Variants in EFCAB7 observed in about 807,000 individuals in gnomAD.
The protein encoded by EFCAB7 is EF-hand calcium-binding domain-containing protein 7.
A neutral mutation model predicts 77.1 loss-of-function variants in EFCAB7; 66 were observed. The ratio of observed to expected loss-of-function variants is 0.86; its 90% confidence interval spans 0.70 to 1.05. The LOEUF is 1.05. EFCAB7 is among the 50% of genes least tolerant of loss of function. The pLI, the probability that EFCAB7 is intolerant of heterozygous loss-of-function variation, is 0.00. For synonymous variants in EFCAB7, 225 were observed against 243.3 expected (o/e 0.92, Z 0.70); for missense variants, 638 against 730.5 (o/e 0.87, Z 1.46).
chr1:63,538,640 A>C (rs1237797805), intron 6 of EFCAB7, among the ~76,000 whole-genome samples: 2 of 152,076 alleles, frequency 1.3e-5, no homozygotes, highest in Admixed American at 1.3e-4. Context: ...TTTAGTAGAG[A>C]CAGGGTTTCA....
At chr1:63,553,865 G>A (rs1557682812) in intron 8 of EFCAB7, among the ~76,000 whole-genome samples, 1 of 152,092 alleles carries the variant, frequency 6.6e-6, no homozygotes, top group Non-Finnish European at 1.5e-5. Flanking sequence ...TTTAGAGATA[G>A]GGTCTCACTC....
At chr1:63,559,747 T>C (rs574135083) in intron 10 of EFCAB7, among the ~76,000 whole-genome samples, 2 of 152,338 alleles carry the variant, frequency 1.3e-5, no homozygotes, top group African/African-American at 4.8e-5. Flanking sequence ...TGTAACATCA[T>C]GTATCCACCA....
At chr1:63,575,221 TTA>T (rs756011304), downstream of EFCAB7, among the ~76,000 whole-genome samples, 2 of 151,982 alleles carry the variant, frequency 1.3e-5, no homozygotes, top group Non-Finnish European at 2.9e-5. Flanking sequence ...TCAAGTACTG[TTA>T]TATATATATG....
intron 6 of EFCAB7, among the ~76,000 whole-genome samples, chr1:63,544,062 C>A (rs1646864788): frequency 6.6e-6 from 1 of 150,980 alleles, no homozygotes; most frequent in African/African-American, 2.4e-5. Context: ...CTCCATCTCC[C>A]AGGTTCAAGC....
In EFCAB7 at chr1:63,546,057, G is replaced by A; in HGVS notation, c.946G>A (p.Gly316Arg). The A allele has an allele frequency of 6.2e-7, 1 of 1,602,646 alleles. No individual in the cohort carries two copies. The part of the protein sequence containing the change: ...IKPLNLSQVE[G>R]KPSPWLSVDT... ...GCCATTAAACCTGAGTCAAGTTGAA[G>A]GCAAGTTTAAGTTTTTTGTATATTT... The change falls in exon 7 of 14, where the codon GGA becomes AGA. Residue 316 changes from glycine to arginine, a missense_variant and splice_region_variant. By Grantham distance (125) the Gly-to-Arg change is moderately radical. Transcript: ENST00000371088.
downstream of EFCAB7, among the ~76,000 whole-genome samples, chr1:63,575,993 T>C (rs1647401342): frequency 1.3e-5 from 2 of 152,214 alleles, no homozygotes; most frequent in African/African-American, 2.4e-5. Context: ...CATTCAAAGT[T>C]AGCCCTGCTA....
intron 12 of EFCAB7, chr1:63,569,746 G>A (rs1388042635): frequency 6.6e-6 from 1 of 152,192 alleles, no homozygotes; most frequent in Non-Finnish European, 1.5e-5. Flanking sequence ...TTGAAAACGA[G>A]ATAGAGGAGT....
the EFCAB7 span, among the ~76,000 whole-genome samples, chr1:63,580,541 T>C: frequency 6.6e-6 from 1 of 152,210 alleles, no homozygotes; most frequent in African/African-American, 2.4e-5. Context: ...TTTTCCAGAA[T>C]CATCTTAGCT....
the EFCAB7 span, among the ~76,000 whole-genome samples, chr1:63,577,792 A>G: frequency 6.6e-6 from 1 of 152,184 alleles, no homozygotes; most frequent in African/African-American, 2.4e-5. Flanking sequence ...TTAAGCATTA[A>G]ACTAATGATG....
chr1:63,576,677 A>G (rs1282549979), downstream of EFCAB7, among the ~76,000 whole-genome samples: 1 of 151,132 alleles, frequency 6.6e-6, no homozygotes, highest in Non-Finnish European at 1.5e-5. Context: ...AATTAAAAAA[A>G]AAAAAATTAG....
intron 6 of EFCAB7, among the ~76,000 whole-genome samples, chr1:63,538,573 C>T (rs1646791183): frequency 6.6e-6 from 1 of 152,102 alleles, no homozygotes; most frequent in Non-Finnish European, 1.5e-5. Context: ...CCTGCCTCAG[C>T]CTCCTGAGTA....
intron 7 of EFCAB7, chr1:63,549,343 CA>C (rs1404031694): frequency 4.2e-6 from 2 of 470,672 alleles, no homozygotes; most frequent in Non-Finnish European, 8.8e-6. Flanking sequence ...CTGCAAGGAA[CA>C]AAATGTTTGT....
intron 6 of EFCAB7, among the ~76,000 whole-genome samples, chr1:63,542,134 T>C (rs1310958396): frequency 1.3e-5 from 2 of 152,058 alleles, no homozygotes; most frequent in Non-Finnish European, 2.9e-5. Context: ...CAACCACCAT[T>C]CTACTTTCTG....
intron 6 of EFCAB7, among the ~76,000 whole-genome samples, chr1:63,535,790 A>G (rs1646755449): frequency 6.6e-6 from 1 of 152,082 alleles, no homozygotes; most frequent in Non-Finnish European, 1.5e-5. Context: ...TAGTATTAAT[A>G]TTATTATAGA....
At position 63,543,413 on chromosome 1, in the gene EFCAB7, T is replaced by C. The variant is rs527318290; in HGVS notation, c.805-2503T>C. Among the ~76,000 whole-genome samples the C allele has an allele frequency of 3.2e-4, 48 of 152,302 alleles. 1 individual carries two copies. Among genetic ancestry groups the C allele is most frequent in the Non-Finnish European group, 6.6e-4 (45 of 68,020 alleles). On this transcript the variant is annotated intron_variant, in intron 6 of 13. Transcript: ENST00000371088. Reference sequence around the variant, plus strand: ...ATTCGTTTTCAACAGCAAAATATTTTGGATATAAAATTAATTTTTAAAAGC... The same window carrying C: ...ATTCGTTTTCAACAGCAAAATATTTCGGATATAAAATTAATTTTTAAAAGC...
the EFCAB7 span, among the ~76,000 whole-genome samples, chr1:63,585,361 C>T: frequency 1.3e-5 from 2 of 151,910 alleles, no homozygotes; most frequent in African/African-American, 4.8e-5. Flanking sequence ...TAAAATGTGT[C>T]TTCTCTGTTG....
chr1:63,524,656 C>T (rs1042551429), intron 1 of EFCAB7, among the ~76,000 whole-genome samples: 5 of 152,076 alleles, frequency 3.3e-5, no homozygotes, highest in African/African-American at 1.2e-4. Flanking sequence ...GCTGTTAGAC[C>T]ACCAGTAGAA....
rs145177283 is a variant in EFCAB7 at position 63,526,957 on chromosome 1, G to A, written c.187+1198G>A. Among the ~76,000 whole-genome samples, 1,109 of 152,242 alleles carry A rather than the reference G, an allele frequency of 7.3e-3. 8 individuals are homozygous for A. Among genetic ancestry groups the A allele is most frequent in the African/African-American group, 0.025 (1,052 of 41,546 alleles). ...TTTTTGTATTTTTAGTAGAGACGGG[G>A]TTTTGCCATGTTGGCCAGGCTGGTC... On this transcript the variant is annotated intron_variant, in intron 2 of 13. Transcript: ENST00000371088.
At chr1:63,543,971 CTTT>C (rs35018430) in intron 6 of EFCAB7, among the ~76,000 whole-genome samples, 3 of 131,128 alleles carry the variant, frequency 2.3e-5, no homozygotes, top group Non-Finnish European at 4.8e-5. Flanking sequence ...TTTCTTTTTT[CTTT>C]TTTTTTTTTT....
Sources: gnomAD v4.1 joint callset for allele counts (sites outside exome capture counted in the v4.1 genomes callset) on GRCh38, gnomAD v4.1.1 for gene constraint, MANE v1.5 for transcripts, NCBI Gene and HGNC (gene_info 2026-07-23, HGNC 2026-07-21) for gene names.